The following CDC42EP4 variants were observed in gnomAD, a reference collection of about 807,000 sequenced individuals.
CDC42EP4 encodes the protein CDC42 effector protein 4, also known as CDC42 effector protein (Rho GTPase binding) 4.
In CDC42EP4, 6 loss-of-function variants were observed where a neutral mutation model predicts 5.6. The ratio of observed to expected loss-of-function variants is 1.07; its 90% CI spans 0.59 to 2.12. The LOEUF (loss-of-function observed/expected upper bound fraction) is 2.12, where lower values mean the gene tolerates loss of function less well. Among genes scored for constraint, CDC42EP4 ranks in the 30% most tolerant of loss-of-function variants. CDC42EP4 has a pLI of 0.00. For synonymous variants in CDC42EP4, 230 were observed against 224.2 expected, an observed-to-expected ratio of 1.03 and a Z score of -0.23; for missense variants, 490 against 508.6, an observed-to-expected ratio of 0.96 and a Z score of 0.35.
chr17:73,296,927 G>C (rs1264744151), intron 1 of CDC42EP4, among the ~76,000 whole-genome samples: 4 of 138,012 alleles, frequency 2.9e-5, no homozygotes, highest in African/African-American at 1.1e-4. Flanking sequence ...CTTGCAGTGA[G>C]CCGAGATAGC....
chr17:73,302,149 T>C (rs185471060), intron 1 of CDC42EP4, among the ~76,000 whole-genome samples: 67 of 152,250 alleles, frequency 4.4e-4, no homozygotes, highest in Admixed American at 4.1e-3. Context: ...GCTACCTTTT[T>C]TTCCCCCTAA....
chr17:73,294,922 C>T (rs1282775546), intron 1 of CDC42EP4, among the ~76,000 whole-genome samples: 1 of 152,144 alleles, frequency 6.6e-6, no homozygotes, highest in Non-Finnish European at 1.5e-5. Flanking sequence ...AATTCTCCTG[C>T]CTTAGCCTCC....
rs1470631862 is a variant in CDC42EP4 at position 73,285,398 on chromosome 17, C to A, written c.*32G>T. On this transcript the variant is annotated 3_prime_UTR_variant, in exon 2 of 2. Transcript: ENST00000335793. The surrounding 1 kb of genome is among the most constrained non-coding windows in gnomAD (Gnocchi z 6.8). ...GGTGGGGGCAGGGAGAAGATGCAGC[C>A]AAGAGCTCCCGGTGGCCACCCACTG... 6.6e-7 allele frequency: 1 copy of A among 1,512,274 alleles called. No homozygotes were observed. Among genetic ancestry groups the A allele is most frequent in the South Asian group, 1.3e-5 (1 of 79,392 alleles). 93.7% of individuals were successfully genotyped at this position (1,512,274 alleles called of 1,614,324 possible). A position where few individuals can be genotyped will look rare whatever the true frequency, so the allele number is the denominator to read the frequency against.
chr17:73,301,379 A>G (rs991698189), intron 1 of CDC42EP4, among the ~76,000 whole-genome samples: 1 of 152,206 alleles, frequency 6.6e-6, no homozygotes, highest in African/African-American at 2.4e-5. Context: ...AAAGCCAACC[A>G]TTGTTCACAG....
chr17:73,295,064 G>A (rs568421555), intron 1 of CDC42EP4, among the ~76,000 whole-genome samples: 14 of 152,022 alleles, frequency 9.2e-5, no homozygotes, highest in South Asian at 2.1e-4. Context: ...CACCTGCCTC[G>A]GCCTCCCAAA....
In CDC42EP4 at chr17:73,298,011, A is replaced by AAAC. The variant is rs145180095; in HGVS notation, c.-112-11400_-112-11399insGTT. On this transcript the variant is annotated intron_variant, in intron 1 of 1. Transcript: ENST00000335793. The stretch of plus-strand genomic sequence containing the variant: ...CAACAACAGCGAAAAAAAAAAAAAA[A>AAAC]CCCAAAGTATCAAAGGCTTAAAGAA... Among the ~76,000 whole-genome samples the AAAC allele has an allele frequency of 8.5e-4, 124 of 146,182 alleles. 1 individual carries two copies. Among genetic ancestry groups the AAAC allele is most frequent in the Non-Finnish European group, 1.4e-3 (90 of 66,368 alleles).
At position 73,304,553 on chromosome 17, in the gene CDC42EP4, G is replaced by A. The variant is rs116552058; in HGVS notation, c.-113+7340C>T. ...AGAGCACCGAGACTTAGAGGGGCAC[G>A]TGCTCTACTCAAGTCACACACGGTT... On this transcript the variant is annotated intron_variant, in intron 1 of 1. Transcript: ENST00000335793. Among the ~76,000 whole-genome samples, 372 of 150,588 alleles carry A rather than the reference G, an allele frequency of 2.5e-3. 2 individuals carry two copies. Among genetic ancestry groups the A allele is most frequent in the African/African-American group, 8.4e-3 (342 of 40,938 alleles).
chr17:73,286,028 C>A lies in CDC42EP4; in HGVS notation c.473G>T (p.Gly158Val), dbSNP rs145393773. Residue 158 changes from glycine (G) to valine (V), a missense_variant, in exon 2 of 2, where the codon GGC (glycine) becomes GTC (valine). Transcript: ENST00000335793. The surrounding 1 kb of genome is among the most constrained non-coding windows in gnomAD (Gnocchi z 7.7). ...CCGACGGGGCACTGCCTCCTCCGTG[C>A]CCGCCTCCTCATCGCCGCCCTCCCC... ...NDGEGGDEEA[G>V]TEEAVPRRNG... 2 of 1,613,658 alleles carry A rather than the reference C, an allele frequency of 1.2e-6. No homozygotes were observed. Among genetic ancestry groups the A allele is most frequent in the African/African-American group, 2.7e-5 (2 of 74,934 alleles).
chr17:73,286,572 G>T lies in CDC42EP4; in HGVS notation c.-72C>A. On this transcript the variant is annotated 5_prime_UTR_variant, in exon 2 of 2. Transcript: ENST00000335793. The surrounding 1 kb of genome is among the most constrained non-coding windows in gnomAD (Gnocchi z 7.7). ...GTCTGGGGTCAGATCTGAAGTCCAA[G>T]TCCAGTGGGCAGAGGGGGACGCAAT... 1 of 1,156,344 alleles carries T rather than the reference G, an allele frequency of 8.6e-7. No individual in the cohort carries two copies. The highest frequency in any genetic ancestry group is 1.2e-6 in the Non-Finnish European group (1 of 825,738). The allele number at this position is 1,156,344 out of a possible 1,614,324, so 71.6% of individuals were successfully genotyped here. A position where few individuals can be genotyped will look rare whatever the true frequency, so the allele number is the denominator to read the frequency against.
At chr17:73,291,190 G>A (rs1232749020) in intron 1 of CDC42EP4, among the ~76,000 whole-genome samples, 1 of 152,190 alleles carries the variant, frequency 6.6e-6, no homozygotes, top group African/African-American at 2.4e-5. Context: ...GCTTCCTGGG[G>A]GGTTGGGAAC....
Position 73,285,733 on chromosome 17 carries a change from G to C in CDC42EP4, c.768C>G (p.Ala256=). Reference sequence around the variant, plus strand: ...GCCTTGCCAGGGGAGGGGCCGCCACGGCGTACGGGGGAGCCTGGGTGATGG... The same window carrying C: ...GCCTTGCCAGGGGAGGGGCCGCCACCGCGTACGGGGGAGCCTGGGTGATGG... ...AGTITQAPPY[A]VAAPPLARQE... is the part of the protein sequence containing the mutation. Residue 256 remains alanine, a synonymous_variant, in exon 2 of 2, where the codon GCC becomes GCG. Transcript: ENST00000335793. This position sits in a 1 kb window ranked among gnomAD's most constrained non-coding sequence, Gnocchi z 6.8. The C allele has an allele frequency of 6.3e-7, 1 of 1,578,938 alleles. No homozygotes were observed. Among genetic ancestry groups the C allele is most frequent in the Non-Finnish European group, 8.6e-7 (1 of 1,156,478 alleles).
At position 73,286,384 on chromosome 17, in the gene CDC42EP4, G is replaced by A. The variant is rs149262844; in HGVS notation, c.117C>T (p.His39=). ...APLGDFRHTM[H]VGRAGDAFGD... ...CAAAGGCGTCTCCGGCCCGGCCAACGTGCATGGTGTGGCGGAAGTCGCCCA... is the reference window on the plus strand; with the variant it reads ...CAAAGGCGTCTCCGGCCCGGCCAACATGCATGGTGTGGCGGAAGTCGCCCA... The change falls in exon 2 of 2, where the codon CAC becomes CAT. Residue 39 remains histidine (H), a synonymous_variant. Coordinates refer to ENST00000335793, the MANE Select transcript of CDC42EP4 (RefSeq NM_012121.5). This position sits in a 1 kb window ranked among gnomAD's most constrained non-coding sequence, Gnocchi z 7.7. The A allele has an allele frequency of 3.6e-5, 58 of 1,613,904 alleles. No homozygotes were observed. The highest frequency in any genetic ancestry group is 3.3e-4 in the Middle Eastern group (2 of 6,084).
intron 1 of CDC42EP4, among the ~76,000 whole-genome samples, chr17:73,294,251 T>G (rs2062174590): frequency 6.6e-6 from 1 of 152,124 alleles, no homozygotes; most frequent in African/African-American, 2.4e-5. Flanking sequence ...TTCAGGAGGC[T>G]GAGGCAGGGA....
rs931033552 is a variant in CDC42EP4, at chr17:73,286,012, C to T, written c.489G>A (p.Val163=). The T allele has an allele frequency of 9.9e-6, 16 of 1,613,516 alleles. No individual in the cohort carries two copies. The highest frequency in any genetic ancestry group is 9.3e-5 in the African/African-American group (7 of 74,926). ...GACCCGCGGCCCCATTCCGACGGGGCACTGCCTCCTCCGTGCCCGCCTCCT... is the reference window on the plus strand; with the variant it reads ...GACCCGCGGCCCCATTCCGACGGGGTACTGCCTCCTCCGTGCCCGCCTCCT... ...GDEEAGTEEA[V]PRRNGAAGPH... is the part of the protein sequence containing the mutation. Residue 163 remains valine, a synonymous_variant, in exon 2 of 2, where the codon GTG becomes GTA. Transcript: ENST00000335793. This position sits in a 1 kb window ranked among gnomAD's most constrained non-coding sequence, Gnocchi z 7.7.
chr17:73,303,500 A>T (rs940863211), intron 1 of CDC42EP4, among the ~76,000 whole-genome samples: 5 of 151,960 alleles, frequency 3.3e-5, no homozygotes, highest in Non-Finnish European at 7.4e-5. Context: ...TGTCTCTACT[A>T]AAAATACAAA....
intron 1 of CDC42EP4, among the ~76,000 whole-genome samples, chr17:73,287,146 A>G (rs1462314031): frequency 6.6e-6 from 1 of 152,196 alleles, no homozygotes; most frequent in Non-Finnish European, 1.5e-5. Flanking sequence ...GGACGGGCTC[A>G]GGGAGACAGA....
chr17:73,287,913 C>T lies in CDC42EP4; in HGVS notation c.-112-1301G>A, dbSNP rs546315857. On this transcript the variant is annotated intron_variant, in intron 1 of 1. Transcript: ENST00000335793. ...GGTCTCCCTCCTGTCCATCCTTCACCTCTTGGCTAAAACAAAACCCATCCA... is the reference window on the plus strand; with the variant it reads ...GGTCTCCCTCCTGTCCATCCTTCACTTCTTGGCTAAAACAAAACCCATCCA... 1.2e-4 allele frequency among the ~76,000 whole-genome samples: 19 copies of T among 152,296 alleles called. 2 individuals carry two copies. In the South Asian group the frequency reaches 3.7e-3, roughly 30 times the overall value.
intron 1 of CDC42EP4, among the ~76,000 whole-genome samples, chr17:73,305,006 G>C (rs903261267): frequency 2.0e-5 from 3 of 152,180 alleles, no homozygotes; most frequent in African/African-American, 7.2e-5. Flanking sequence ...ACAGGCTTCA[G>C]GCCAGGGGAG....
chr17:73,295,245 G>A (rs1159891638), intron 1 of CDC42EP4, among the ~76,000 whole-genome samples: 2 of 152,102 alleles, frequency 1.3e-5, no homozygotes, highest in Non-Finnish European at 2.9e-5. Context: ...TAGGCTGTTG[G>A]GACCAGGAGA....
Sources: allele counts gnomAD v4.1 joint callset (sites outside exome capture counted in the v4.1 genomes callset), GRCh38; gene constraint gnomAD v4.1.1; non-coding constraint Gnocchi (gnomAD v3.1); transcripts MANE v1.5; gene names NCBI Gene and HGNC (gene_info 2026-07-23, HGNC 2026-07-21).